The following MRPS5 variants were observed in gnomAD, a reference collection of about 807,000 sequenced individuals.
The protein encoded by MRPS5 is mitochondrial ribosomal protein S5.
In MRPS5, 27 loss-of-function variants were observed where a neutral mutation model predicts 51.9. The observed-to-expected ratio is 0.52, with a 90% CI of 0.38 to 0.72. MRPS5 has a LOEUF of 0.72. Ranked by LOEUF, MRPS5 falls within the 30% of genes least tolerant of loss-of-function variation. MRPS5 has a pLI of 0.00. For missense variants in MRPS5, 570 were observed against 545.7 expected (o/e 1.04, Z -0.44); for synonymous variants, 196 against 193.2 (o/e 1.01, Z -0.12).
In MRPS5 at chr2:95,117,879, C is replaced by G. The variant is rs1450889819; in HGVS notation, c.125G>C (p.Ser42Thr). 1 of 1,608,582 alleles carries G rather than the reference C, an allele frequency of 6.2e-7. No homozygotes were observed. ...LPAASILAWK[S>T]VLGNGHLSSL... ...ATGAATCTCACCATTGCCGAGAACA[C>G]TCTTCCATGCCAAAATGGAAGCTGC... is the stretch of plus-strand genomic sequence containing the variant. The change falls in exon 2 of 12, where the codon AGT becomes ACT. Residue 42 changes from serine to threonine, a missense_variant. By Grantham distance (58) the Ser-to-Thr change is moderately conservative. Transcript: ENST00000272418.
intron 5 of MRPS5, among the ~76,000 whole-genome samples, chr2:95,107,561 C>T (rs1675986205): frequency 6.6e-6 from 1 of 152,194 alleles, no homozygotes; most frequent in African/African-American, 2.4e-5. Flanking sequence ...TTTGGAATCT[C>T]TCCCCTCCAG....
chr2:95,102,599 C>G (rs1361702311), intron 7 of MRPS5, among the ~76,000 whole-genome samples: 1 of 152,048 alleles, frequency 6.6e-6, no homozygotes, highest in African/African-American at 2.4e-5. Context: ...AGAGTTGAGA[C>G]TGCAGTAAGC....
chr2:95,086,296 G>GA lies in MRPS5; in HGVS notation c.*1060dup, dbSNP rs989980187. Reference sequence around the variant, plus strand: ...ATAAACACTCTTGAAGCCATTTAAAGAAAAAAAAAGTCTCAGCAAATAGCC... The same window carrying GA: ...ATAAACACTCTTGAAGCCATTTAAAGAAAAAAAAAAGTCTCAGCAAATAGCC... On this transcript the variant is annotated 3_prime_UTR_variant, in exon 12 of 12. Coordinates refer to ENST00000272418, the MANE Select transcript of MRPS5 (RefSeq NM_031902.5). 2.7e-5 allele frequency among the ~76,000 whole-genome samples: 4 copies of GA among 148,788 alleles called. No homozygotes were observed. The highest frequency in any genetic ancestry group is 2.1e-4 in the South Asian group (1 of 4,720).
rs1675960346 is a variant in MRPS5, at chr2:95,106,688, C to T, written c.638-231G>A. The stretch of plus-strand genomic sequence containing the variant: ...CCCCACCTGCACCCTCCTCCCCATC[C>T]ATCTCTCATCAGCTCCTGGCCCCTC... On this transcript the variant is annotated intron_variant, in intron 5 of 11. Transcript: ENST00000272418. The T allele has an allele frequency of 7.1e-6, 4 of 565,850 alleles. No homozygotes were observed. The East Asian group carries it at 9.0e-5, about 13-fold the overall frequency. The allele number at this position is 565,850 out of a possible 1,614,324, so 35.1% of individuals were successfully genotyped here.
rs751753427 is a variant in MRPS5, at chr2:95,108,393, A to T, written c.419T>A (p.Leu140Gln). The change falls in exon 5 of 12, where the codon CTA becomes CAA. Residue 140 changes from leucine (L) to glutamine (Q), a missense_variant. Transcript: ENST00000272418. ...QIIGEGRYGF[L>Q]WPGLNVPLMK... Reference sequence around the variant, plus strand: ...AAGAGGGACATTCAGTCCGGGCCATAGAAAACCATAACGCCCTGAAGGTTT... The same window carrying T: ...AAGAGGGACATTCAGTCCGGGCCATTGAAAACCATAACGCCCTGAAGGTTT... 6.2e-7 allele frequency: 1 copy of T among 1,613,868 alleles called. No individual in the cohort carries two copies.
chr2:95,108,200 G>A lies in MRPS5; in HGVS notation c.612C>T (p.Gly204=), dbSNP rs1333190133. 5.6e-6 allele frequency: 9 copies of A among 1,614,144 alleles called. No individual in the cohort carries two copies. The highest frequency in any genetic ancestry group is 7.6e-6 in the Non-Finnish European group (9 of 1,180,024). Residue 204 remains glycine, a synonymous_variant, in exon 5 of 12, where the codon GGC becomes GGT. Transcript: ENST00000272418. ...SGNSWGGISL[G]PPDPGPCGET... Reference sequence around the variant, plus strand: ...CTCCACAGGGACCAGGGTCAGGGGGGCCAAGACTGATGCCTCCCCATGAGT... The same window carrying A: ...CTCCACAGGGACCAGGGTCAGGGGGACCAAGACTGATGCCTCCCCATGAGT...
intron 2 of MRPS5, among the ~76,000 whole-genome samples, chr2:95,117,425 T>C (rs1573353747): frequency 6.6e-6 from 1 of 151,348 alleles, no homozygotes; most frequent in African/African-American, 2.4e-5. Flanking sequence ...GCTGTAAATA[T>C]ACACACAAAC....
rs931626152 is a variant in MRPS5, at chr2:95,086,739, C to T, written c.*618G>A. Among the ~76,000 whole-genome samples, 1 of 152,020 alleles carries T rather than the reference C, an allele frequency of 6.6e-6. No individual in the cohort carries two copies. Among genetic ancestry groups the T allele is most frequent in the African/African-American group, 2.4e-5 (1 of 41,380 alleles). On this transcript the variant is annotated 3_prime_UTR_variant, in exon 12 of 12. Coordinates refer to ENST00000272418, the MANE Select transcript of MRPS5 (RefSeq NM_031902.5). The stretch of plus-strand genomic sequence containing the variant: ...GGAACTCAATAATAATAAAAAATAA[C>T]TTTTTAAATGGGCAAAGGCTCTGAA...
At position 95,108,302 on chromosome 2, in the gene MRPS5, T is replaced by C. The variant is rs1339768720; in HGVS notation, c.510A>G (p.Ala170=). ...ACTCTTCTCTCTGCTGGATCATGTCTGCCTCCACCTTCTCCTGCTCTTCCT... is the reference window on the plus strand; with the variant it reads ...ACTCTTCTCTCTGCTGGATCATGTCCGCCTCCACCTTCTCCTGCTCTTCCT... ...RSKEEQEKVE[A]DMIQQREEWD... is the part of the protein sequence containing the mutation. Residue 170 remains alanine, a synonymous_variant, in exon 5 of 12, where the codon GCA becomes GCG. Coordinates refer to ENST00000272418, the MANE Select transcript of MRPS5 (RefSeq NM_031902.5). 6 of 1,614,122 alleles carry C rather than the reference T, an allele frequency of 3.7e-6. No homozygotes were observed. Among genetic ancestry groups the C allele is most frequent in the Non-Finnish European group, 4.2e-6 (5 of 1,180,050 alleles).
intron 10 of MRPS5, 139 bp from the exon 11 acceptor site, chr2:95,090,661 T>C (rs1675439039): frequency 1.2e-6 from 1 of 825,148 alleles, no homozygotes; most frequent in South Asian, 1.8e-5. Context: ...CCTAGTGAGC[T>C]GACCCTTGAC....
intron 10 of MRPS5, among the ~76,000 whole-genome samples, chr2:95,098,706 G>A (rs1209882369): frequency 6.6e-6 from 1 of 152,042 alleles, no homozygotes; most frequent in Non-Finnish European, 1.5e-5. Flanking sequence ...GGCAGTGGGG[G>A]AGGGATAGCA....
chr2:95,117,929 C>T lies in MRPS5; in HGVS notation c.75G>A (p.Arg25=). Residue 25 remains arginine (R), a synonymous_variant, in exon 2 of 12, where the codon AGG becomes AGA. Coordinates refer to ENST00000272418, the MANE Select transcript of MRPS5 (RefSeq NM_031902.5). ...CTGGTAAGGTGTTTAGGGAACACTGCCTCCCCAATAAATGACCTGCAAATT... is the reference window on the plus strand; with the variant it reads ...CTGGTAAGGTGTTTAGGGAACACTGTCTCCCCAATAAATGACCTGCAAATT... ...CSGTAGHLLG[R]QCSLNTLPAA... 1 of 1,600,240 alleles carries T rather than the reference C, an allele frequency of 6.2e-7. No homozygotes were observed. The highest frequency in any genetic ancestry group is 8.5e-7 in the Non-Finnish European group (1 of 1,176,808).
intron 1 of MRPS5, among the ~76,000 whole-genome samples, chr2:95,120,443 A>G (rs968115719): frequency 6.6e-6 from 1 of 152,230 alleles, no homozygotes; most frequent in African/African-American, 2.4e-5. Context: ...CTGGAGGCCA[A>G]TGGGAAGCTG....
At chr2:95,090,176 CAAAAAAAAAA>C (rs35901146) in intron 11 of MRPS5, among the ~76,000 whole-genome samples, 200 bp downstream of exon 11, 1 of 43,542 alleles carries the variant, frequency 2.3e-5, no homozygotes, top group African/African-American at 1.1e-4. Flanking sequence ...GACTCCGTCT[CAAAAAAAAAA>C]AAAAAAAAAA....
At chr2:95,107,276 T>C (rs891216851) in intron 5 of MRPS5, among the ~76,000 whole-genome samples, 1 of 152,154 alleles carries the variant, frequency 6.6e-6, no homozygotes, top group Admixed American at 6.5e-5. Context: ...GAGGCCATAA[T>C]CATCAATGTC....
chr2:95,118,870 A>C (rs1676363324), intron 1 of MRPS5, among the ~76,000 whole-genome samples: 1 of 152,242 alleles, frequency 6.6e-6, no homozygotes, highest in African/African-American at 2.4e-5. Context: ...AAAGACTTAT[A>C]GGTAAGAGCT....
At chr2:95,112,387 A>G (rs1420396045) in intron 3 of MRPS5, among the ~76,000 whole-genome samples, 5 of 152,152 alleles carry the variant, frequency 3.3e-5, no homozygotes, top group Non-Finnish European at 7.4e-5. Context: ...ATATATACAC[A>G]CACATACATA....
intron 1 of MRPS5, 59 bp downstream of exon 1, chr2:95,121,675 G>A (rs1418573948): frequency 1.5e-5 from 23 of 1,502,752 alleles, no homozygotes; most frequent in Non-Finnish European, 2.0e-5. Flanking sequence ...GCAGGCCCCA[G>A]GCGAGCCCCC....
At chr2:95,099,371 G>A (rs897077161) in intron 10 of MRPS5, among the ~76,000 whole-genome samples, 1 of 152,026 alleles carries the variant, frequency 6.6e-6, no homozygotes, top group Non-Finnish European at 1.5e-5. Flanking sequence ...TCTCATAGAT[G>A]CATTTTGAAA....
Sources: gnomAD v4.1 joint callset for allele counts (sites outside exome capture counted in the v4.1 genomes callset) on GRCh38, gnomAD v4.1.1 for gene constraint, MANE v1.5 for transcripts, NCBI Gene and HGNC (gene_info 2026-07-23, HGNC 2026-07-21) for gene names.